The following LRRCC1 variants were observed in gnomAD, a reference collection of about 807,000 sequenced individuals.
LRRCC1 encodes leucine rich repeat and coiled-coil centrosomal protein 1, also known as leucine-rich repeat and coiled-coil domain-containing protein 1.
A neutral mutation model predicts 126.0 loss-of-function variants in LRRCC1; 115 were observed. That is an observed-to-expected ratio of 0.91 (90% CI 0.78 to 1.07). LRRCC1 has a LOEUF of 1.07. Ranked by LOEUF, LRRCC1 falls within the 50% of genes least tolerant of loss-of-function variation. The pLI is 0.00. For missense variants in LRRCC1, 1,172 were observed against 1,175.7 expected, an observed-to-expected ratio of 1.00 and a Z score of 0.05; for synonymous variants, 400 against 393.4, an observed-to-expected ratio of 1.02 and a Z score of -0.20.
intron 8 of LRRCC1, among the ~76,000 whole-genome samples, chr8:85,126,090 G>A (rs757922351): frequency 1.2e-4 from 18 of 152,174 alleles, no homozygotes; most frequent in Non-Finnish European, 1.8e-4. Flanking sequence ...GCCTTGGTAA[G>A]GACTCTGTTT....
intron 18 of LRRCC1, among the ~76,000 whole-genome samples, chr8:85,144,460 ATATATATATATATAT>A (rs1255134969): frequency 2.2e-5 from 1 of 45,732 alleles, no homozygotes; most frequent in Non-Finnish European, 4.7e-5. Context: ...ATATATATAT[ATATATATATATATAT>A]TTTTTTTTTT....
chr8:85,116,914 A>T (rs913814251), intron 6 of LRRCC1, among the ~76,000 whole-genome samples: 24 of 152,164 alleles, frequency 1.6e-4, no homozygotes, highest in African/African-American at 5.8e-4. Context: ...GCCAATAAGG[A>T]GATAGTAATA....
At position 85,115,227 on chromosome 8, in the gene LRRCC1, G is replaced by A. The variant is rs1278344435; in HGVS notation, c.672G>A (p.Leu224=). 1.9e-6 allele frequency: 3 copies of A among 1,611,682 alleles called. No individual in the cohort carries two copies. The highest frequency in any genetic ancestry group is 2.2e-5 in the East Asian group (1 of 44,820). The change falls in exon 5 of 19, where the codon TTG becomes TTA. Residue 224 remains leucine, a synonymous_variant. Transcript: ENST00000360375. ...AGCTGCAGTGCCTAGAAGGTCTTTTGGATAATTTAGTTTCTTCTGATTCTC... is the reference window on the plus strand; with the variant it reads ...AGCTGCAGTGCCTAGAAGGTCTTTTAGATAATTTAGTTTCTTCTGATTCTC... ...SSQLQCLEGL[L]DNLVSSDSPL...
chr8:85,133,033 A>G (rs546469171), intron 12 of LRRCC1, among the ~76,000 whole-genome samples: 24 of 152,210 alleles, frequency 1.6e-4, no homozygotes, highest in Non-Finnish European at 3.4e-4. Context: ...CTCTGCTTCC[A>G]TTTACAACAG....
At chr8:85,143,168 T>C (rs1811378487) in intron 18 of LRRCC1, among the ~76,000 whole-genome samples, 2 of 151,832 alleles carry the variant, frequency 1.3e-5, no homozygotes, top group South Asian at 4.1e-4. Flanking sequence ...CTACTAAAAA[T>C]ACAATTAGCT....
At chr8:85,109,301 A>G (rs751821136) in intron 1 of LRRCC1, 3 of 330,718 alleles carry the variant, frequency 9.1e-6, no homozygotes, top group African/African-American at 2.1e-5. Context: ...GTTATTGACT[A>G]CTATTCAGCA....
intron 14 of LRRCC1, among the ~76,000 whole-genome samples, chr8:85,136,781 T>C (rs1438232581): frequency 6.6e-6 from 1 of 152,188 alleles, no homozygotes; most frequent in Non-Finnish European, 1.5e-5. Flanking sequence ...TTTTGTTTTG[T>C]TTTGTTTGCA....
rs202101793 is a variant in LRRCC1 at position 85,135,916 on chromosome 8, G to C, written c.2282G>C (p.Gly761Ala). ...GCAGCCAAGGAATCACTAATATTTGGTTTAAGGACAGAAAGAAAAGTATGG... is the reference window on the plus strand; with the variant it reads ...GCAGCCAAGGAATCACTAATATTTGCTTTAAGGACAGAAAGAAAAGTATGG... ...ELAAKESLIF[G>A]LRTERKVWGH... Residue 761 changes from glycine to alanine, a missense_variant, in exon 14 of 19, where the codon GGT (glycine) becomes GCT (alanine). Coordinates refer to ENST00000360375, the MANE Select transcript of LRRCC1 (RefSeq NM_033402.5). 1.6e-4 allele frequency: 261 copies of C among 1,604,590 alleles called. No individual in the cohort carries two copies. The African/African-American group carries it at 3.2e-3, about 20-fold the overall frequency.
At chr8:85,125,559 G>C (rs1000613653) in intron 8 of LRRCC1, among the ~76,000 whole-genome samples, 6 of 147,300 alleles carry the variant, frequency 4.1e-5, no homozygotes, top group Non-Finnish European at 7.5e-5. Context: ...TGTAGTCCCA[G>C]CTACTTGGGA....
At position 85,107,280 on chromosome 8, in the gene LRRCC1, C is replaced by G. The variant is rs1320014106; in HGVS notation, c.-16C>G. Reference sequence around the variant, plus strand: ...GCTGGGTGCCGGTTAAGACCCCGCTCCCCGTCGCCAGTGCTATGGAGGCGG... The same window carrying G: ...GCTGGGTGCCGGTTAAGACCCCGCTGCCCGTCGCCAGTGCTATGGAGGCGG... On this transcript the variant is annotated 5_prime_UTR_variant, in exon 1 of 19. Coordinates refer to ENST00000360375, the MANE Select transcript of LRRCC1 (RefSeq NM_033402.5). 1 of 1,603,706 alleles carries G rather than the reference C, an allele frequency of 6.2e-7. No individual in the cohort carries two copies. The highest frequency in any genetic ancestry group is 8.5e-7 in the Non-Finnish European group (1 of 1,174,924).
chr8:85,143,992 A>C (rs1811443224), intron 18 of LRRCC1, among the ~76,000 whole-genome samples: 1 of 152,222 alleles, frequency 6.6e-6, no homozygotes, highest in African/African-American at 2.4e-5. Context: ...TGAAGTAAAC[A>C]GAAAAATGGT....
intron 12 of LRRCC1, among the ~76,000 whole-genome samples, chr8:85,133,200 C>G (rs567553289): frequency 1.3e-5 from 2 of 152,158 alleles, no homozygotes. Context: ...TCAAATTTGT[C>G]CTCATCTGAT....
At chr8:85,132,857 C>T (rs1356917621) in intron 12 of LRRCC1, among the ~76,000 whole-genome samples, 1 of 152,162 alleles carries the variant, frequency 6.6e-6, no homozygotes, top group Non-Finnish European at 1.5e-5. Context: ...TTTCCTCTTG[C>T]CTACTTAAAG....
chr8:85,138,158 G>T lies in LRRCC1; in HGVS notation c.2617G>T (p.Glu873Ter). 1 of 1,611,840 alleles carries T rather than the reference G, an allele frequency of 6.2e-7. No individual in the cohort carries two copies. The highest frequency in any genetic ancestry group is 8.5e-7 in the Non-Finnish European group (1 of 1,178,944). Reference protein sequence around the residue: ...SQLDEVLEKLERHNERKEKLK... With the variant: ...SQLDEVLEKL ...ACTGGATGAGGTACTTGAGAAGTTGGAAAGGCACAATGAAAGAAAAGAAAA... is the reference window on the plus strand; with the variant it reads ...ACTGGATGAGGTACTTGAGAAGTTGTAAAGGCACAATGAAAGAAAAGAAAA... The change falls in exon 16 of 19, where the codon GAA becomes TAA. Residue 873 changes from glutamate (E) to a stop codon, truncating the protein, a stop_gained. Transcript: ENST00000360375. LOFTEE classifies it high-confidence loss of function.
At chr8:85,125,149 G>A (rs1809876289) in intron 8 of LRRCC1, among the ~76,000 whole-genome samples, 1 of 152,062 alleles carries the variant, frequency 6.6e-6, no homozygotes, top group South Asian at 2.1e-4. Flanking sequence ...AGATTTAAGT[G>A]AAATCATTTG....
chr8:85,128,022 G>T (rs1180352592), intron 9 of LRRCC1, among the ~76,000 whole-genome samples: 2 of 152,142 alleles, frequency 1.3e-5, no homozygotes, highest in Admixed American at 1.3e-4. Context: ...ACTGAGTCAT[G>T]GACAGATAGT....
rs746682817 is a variant in LRRCC1 at position 85,107,350 on chromosome 8, G to A, written c.55G>A (p.Gly19Ser). Residue 19 changes from glycine to serine, a missense_variant, in exon 1 of 19, where the codon GGC becomes AGC. By Grantham distance (56) the Gly-to-Ser change is moderately conservative. Coordinates refer to ENST00000360375, the MANE Select transcript of LRRCC1 (RefSeq NM_033402.5). ...AGAGGCGGAAGTGGAAAACGAAGACGGCGACAGCAGCTGCGGGGATGTATG... is the reference window on the plus strand; with the variant it reads ...AGAGGCGGAAGTGGAAAACGAAGACAGCGACAGCAGCTGCGGGGATGTATG... Reference protein sequence around the residue: ...AAEAEVENEDGDSSCGDVCFM... With the variant: ...AAEAEVENEDSDSSCGDVCFM... 1 of 1,613,866 alleles carries A rather than the reference G, an allele frequency of 6.2e-7. No homozygotes were observed. Among genetic ancestry groups the A allele is most frequent in the South Asian group, 1.1e-5 (1 of 91,060 alleles).
chr8:85,144,465 TATATATATA>T (rs1309207562), intron 18 of LRRCC1, among the ~76,000 whole-genome samples: 9,894 of 51,960 alleles, frequency 0.19, 451 homozygotes, highest in African/African-American at 0.23. Context: ...TATATATATA[TATATATATA>T]TTTTTTTTTT....
chr8:85,123,180 T>C (rs1164469661), intron 6 of LRRCC1, among the ~76,000 whole-genome samples: 2 of 152,230 alleles, frequency 1.3e-5, no homozygotes, highest in Non-Finnish European at 2.9e-5. Context: ...AAGTAGTTTT[T>C]ATTTTTGTTT....
Sources: allele counts gnomAD v4.1 joint callset (sites outside exome capture counted in the v4.1 genomes callset), GRCh38; gene constraint gnomAD v4.1.1; transcripts MANE v1.5; gene names NCBI Gene and HGNC (gene_info 2026-07-23, HGNC 2026-07-21).